Variants in MAP4K3 observed in about 807,000 individuals in gnomAD.
MAP4K3 encodes MAPK/ERK kinase kinase kinase 3.
In MAP4K3, 94 loss-of-function variants were observed where a neutral mutation model predicts 143.5. The observed-to-expected ratio is 0.65, with a 90% CI of 0.55 to 0.78. MAP4K3 has a LOEUF of 0.78. Ranked by LOEUF, MAP4K3 falls within the 30% of genes least tolerant of loss-of-function variation. The pLI is 0.00. For missense variants in MAP4K3, 1,077 were observed against 1,068.1 expected, an observed-to-expected ratio of 1.01 and a Z score of -0.12; for synonymous variants, 416 against 347.2, an observed-to-expected ratio of 1.20 and a Z score of -2.20.
intron 16 of MAP4K3, among the ~76,000 whole-genome samples, chr2:39,295,943 T>A (rs1049075000): frequency 6.6e-5 from 10 of 152,208 alleles, no homozygotes; most frequent in African/African-American, 2.4e-4. Context: ...GGTCTTGAAC[T>A]CCCGGCCTCA....
intron 19 of MAP4K3, among the ~76,000 whole-genome samples, chr2:39,289,251 T>C (rs890885432): frequency 6.6e-6 from 1 of 152,200 alleles, no homozygotes; most frequent in African/African-American, 2.4e-5. Flanking sequence ...ACTTCTGCTA[T>C]GATAAAACTA....
intron 28 of MAP4K3, among the ~76,000 whole-genome samples, chr2:39,262,976 C>T (rs1449199433): frequency 1.3e-5 from 2 of 151,674 alleles, no homozygotes; most frequent in African/African-American, 4.8e-5. Flanking sequence ...GTCTGTAATC[C>T]CAGCTACTCG....
Position 39,280,334 on chromosome 2 carries a change from A to G in MAP4K3, c.1652T>C (p.Val551Ala). The change falls in exon 23 of 34, where the codon GTT becomes GCT. Residue 551 changes from valine to alanine, a missense_variant. By Grantham distance (64) the Val-to-Ala change is moderately conservative. This residue lies in a region of MAP4K3 where 864 missense variants were observed against 801.2 expected (regional missense o/e 1.08). Transcript: ENST00000263881. ...KVHMGACFSK[V>A]FNGCPLKIHC... The stretch of plus-strand genomic sequence containing the variant: ...AATTTTCAAGGGACACCCATTAAAA[A>G]CTTTTGAAAAACATGCACCCATCTA... The G allele has an allele frequency of 6.2e-7, 1 of 1,605,068 alleles. No individual in the cohort carries two copies. Among genetic ancestry groups the G allele is most frequent in the Non-Finnish European group, 8.5e-7 (1 of 1,174,564 alleles).
chr2:39,363,918 C>A (rs762041824), intron 2 of MAP4K3, among the ~76,000 whole-genome samples: 25 of 149,836 alleles, frequency 1.7e-4, no homozygotes, highest in Non-Finnish European at 3.4e-4. Context: ...TCAAAAGATG[C>A]CCAACATTAC....
At chr2:39,348,559 T>C (rs913553806) in intron 3 of MAP4K3, among the ~76,000 whole-genome samples, 1 of 152,142 alleles carries the variant, frequency 6.6e-6, no homozygotes, top group African/African-American at 2.4e-5. Flanking sequence ...ATATGCCTAA[T>C]AGGAAAGGAC....
At chr2:39,425,705 T>A (rs1376797976) in intron 1 of MAP4K3, among the ~76,000 whole-genome samples, 1 of 152,216 alleles carries the variant, frequency 6.6e-6, no homozygotes, top group African/African-American at 2.4e-5. Context: ...CTGTGGTATG[T>A]TGTTACGGCA....
intron 13 of MAP4K3, among the ~76,000 whole-genome samples, chr2:39,313,471 CTTCCT>C (rs1042319585): frequency 9.9e-5 from 15 of 151,198 alleles, no homozygotes; most frequent in Non-Finnish European, 2.1e-4. Flanking sequence ...TCTTTCCTTC[CTTCCT>C]TTCTTTTTCT....
At chr2:39,411,743 C>G (rs1404788989) in intron 1 of MAP4K3, among the ~76,000 whole-genome samples, 1 of 152,124 alleles carries the variant, frequency 6.6e-6, no homozygotes, top group Non-Finnish European at 1.5e-5. Flanking sequence ...CTCTAAGGAA[C>G]TGTGACTGTT....
chr2:39,354,846 A>G (rs973827646), intron 3 of MAP4K3, among the ~76,000 whole-genome samples: 2 of 152,200 alleles, frequency 1.3e-5, no homozygotes, highest in East Asian at 3.8e-4. Context: ...AGAGAAGAGA[A>G]AAAGTGTTTT....
chr2:39,384,339 A>G (rs776759765), intron 1 of MAP4K3, among the ~76,000 whole-genome samples: 5 of 152,204 alleles, frequency 3.3e-5, no homozygotes, highest in Non-Finnish European at 5.9e-5. Context: ...TGAGGTCAGG[A>G]GTTCAAGACC....
chr2:39,249,552 G>A lies in MAP4K3; in HGVS notation c.*1066C>T, dbSNP rs1328222585. The A allele has an allele frequency of 6.6e-6, 1 of 152,556 alleles. No individual in the cohort carries two copies. The highest frequency in any genetic ancestry group is 1.5e-5 in the Non-Finnish European group (1 of 68,014). 9.5% of individuals were successfully genotyped at this position (152,556 alleles called of 1,614,324 possible). Reference sequence around the variant, plus strand: ...ATGTGTAGTAACCATTATATTGTTTGTATGAGGTAGTAACTAAATTATTTT... The same window carrying A: ...ATGTGTAGTAACCATTATATTGTTTATATGAGGTAGTAACTAAATTATTTT... On this transcript the variant is annotated 3_prime_UTR_variant, in exon 34 of 34. Coordinates refer to ENST00000263881, the MANE Select transcript of MAP4K3 (RefSeq NM_003618.4).
At chr2:39,274,483 G>T (rs943225030) in intron 24 of MAP4K3, among the ~76,000 whole-genome samples, 4 of 152,086 alleles carry the variant, frequency 2.6e-5, no homozygotes, top group Non-Finnish European at 5.9e-5. Flanking sequence ...GCCTCCCAAA[G>T]TGCAGGGATT....
At chr2:39,417,857 G>A (rs1239985653) in intron 1 of MAP4K3, among the ~76,000 whole-genome samples, 1 of 152,078 alleles carries the variant, frequency 6.6e-6, no homozygotes, top group Non-Finnish European at 1.5e-5. Context: ...CTAGGGCAGA[G>A]AAATACAAGA....
chr2:39,297,552 A>T (rs1422558308), intron 16 of MAP4K3, among the ~76,000 whole-genome samples: 1 of 152,200 alleles, frequency 6.6e-6, no homozygotes, highest in Non-Finnish European at 1.5e-5. Context: ...TCCTGTTAGA[A>T]AAAGAAAAGA....
At chr2:39,275,049 G>A (rs1249903594) in intron 24 of MAP4K3, among the ~76,000 whole-genome samples, 3 of 152,132 alleles carry the variant, frequency 2.0e-5, no homozygotes, top group Admixed American at 6.5e-5. Context: ...TACTCTTATA[G>A]GCTCCCTCTA....
intron 20 of MAP4K3, among the ~76,000 whole-genome samples, chr2:39,287,904 G>A (rs1429658065): frequency 6.6e-6 from 1 of 152,132 alleles, no homozygotes; most frequent in African/African-American, 2.4e-5. Context: ...AATATGAAAT[G>A]AGAAATGAGG....
chr2:39,263,021 GGCTGAGGGTGCAGTGA>G (rs1680627937), intron 28 of MAP4K3, among the ~76,000 whole-genome samples: 1 of 151,906 alleles, frequency 6.6e-6, no homozygotes, highest in Admixed American at 6.6e-5. Context: ...GATCCTGGGA[GGCTGAGGGTGCAGTGA>G]GCTGAGATCA....
chr2:39,401,774 C>T (rs2148608111), intron 1 of MAP4K3, among the ~76,000 whole-genome samples: 1 of 152,082 alleles, frequency 6.6e-6, no homozygotes, highest in East Asian at 1.9e-4. Context: ...GCACTCCGGC[C>T]TGGATGACAG....
intron 1 of MAP4K3, among the ~76,000 whole-genome samples, chr2:39,429,064 CA>C (rs34783806): frequency 0.024 from 1,428 of 60,002 alleles, 8 homozygotes; most frequent in African/African-American, 0.1. Context: ...GACTCCGTCT[CA>C]AAAAAAAAAA....
Sources: gnomAD v4.1 joint callset for allele counts (sites outside exome capture counted in the v4.1 genomes callset) on GRCh38, gnomAD v4.1.1 for gene constraint, gnomAD v4.1.1 regional missense constraint, MANE v1.5 for transcripts, NCBI Gene and HGNC (gene_info 2026-07-23, HGNC 2026-07-21) for gene names.